The following RORA variants were observed in gnomAD, a reference collection of about 807,000 sequenced individuals.
The protein encoded by RORA is RAR related orphan receptor A.
RORA carries 7 observed loss-of-function variants against 69.5 expected under a neutral mutation model. The ratio of observed to expected loss-of-function variants is 0.10; its 90% CI spans 0.06 to 0.19. The LOEUF (loss-of-function observed/expected upper bound fraction) is 0.19. Ranked by LOEUF, RORA falls within the 10% of genes least tolerant of loss-of-function variation. The probability of loss-of-function intolerance (pLI) is 1.00; values close to 1 mark genes in which losing one functional copy is unlikely to be tolerated. For missense variants in RORA, 457 were observed against 663.0 expected (o/e 0.69, Z 3.41); for synonymous variants, 261 against 240.8 (o/e 1.08, Z -0.78).
At chr15:60,524,934 A>G (rs921895351) in intron 3 of RORA, among the ~76,000 whole-genome samples, 2 of 152,184 alleles carry the variant, frequency 1.3e-5, no homozygotes, top group African/African-American at 4.8e-5. Context: ...GTCACAGAGC[A>G]GGTAAGGGGA....
chr15:60,599,125 G>A (rs1267760536), intron 2 of RORA, among the ~76,000 whole-genome samples: 2 of 152,198 alleles, frequency 1.3e-5, no homozygotes, highest in South Asian at 2.1e-4. Context: ...TACTATGTGC[G>A]GGGTTCATCT....
At chr15:60,709,585 G>A (rs984968794) in intron 1 of RORA, among the ~76,000 whole-genome samples, 23 of 151,882 alleles carry the variant, frequency 1.5e-4, no homozygotes, top group Non-Finnish European at 7.4e-5. Flanking sequence ...AAAGAAGCAT[G>A]AACCCTGTTG....
intron 1 of RORA, among the ~76,000 whole-genome samples, chr15:61,014,530 G>A (rs1895213645): frequency 6.6e-6 from 1 of 152,128 alleles, no homozygotes; most frequent in Non-Finnish European, 1.5e-5. Flanking sequence ...GTCTTCTAAG[G>A]AGTTAGAATT....
chr15:60,511,999 G>A lies in RORA; in HGVS notation c.425-378C>T, dbSNP rs760607698. 1.9e-4 allele frequency: 38 copies of A among 204,862 alleles called. No individual in the cohort carries two copies. The highest frequency in any genetic ancestry group is 3.2e-4 in the Non-Finnish European group (32 of 100,898). The allele number at this position is 204,862 out of a possible 1,614,324, so 12.7% of individuals were successfully genotyped here. ...CTTAGGCTACCTCTTTCTCTCCCACGTTCAGACCAAGGCACAGGGAAGCAA... is the reference window on the plus strand; with the variant it reads ...CTTAGGCTACCTCTTTCTCTCCCACATTCAGACCAAGGCACAGGGAAGCAA... On this transcript the variant is annotated intron_variant, in intron 4 of 10. Coordinates refer to ENST00000335670, the MANE Select transcript of RORA (RefSeq NM_134261.3). This position sits in a 1 kb window ranked among gnomAD's most constrained non-coding sequence, Gnocchi z 6.4.
At chr15:60,683,314 AT>A (rs869278767) in intron 1 of RORA, among the ~76,000 whole-genome samples, 1 of 3,954 alleles carries the variant, frequency 2.5e-4, no homozygotes, top group Non-Finnish European at 6.8e-4. Context: ...CCCAGCCAAC[AT>A]GATTTCTTAA....
chr15:61,176,145 A>C (rs531977017), intron 1 of RORA: 1 of 152,376 alleles, frequency 6.6e-6, no homozygotes, highest in South Asian at 2.1e-4. Context: ...ATATATTCCC[A>C]CATCAAGCAG....
At chr15:60,969,878 C>T (rs1523528) in intron 1 of RORA, among the ~76,000 whole-genome samples, 1 of 152,222 alleles carries the variant, frequency 6.6e-6, no homozygotes, top group East Asian at 1.9e-4. Flanking sequence ...GCTGTATTTA[C>T]TCATGGGGCC....
chr15:60,680,634 C>T (rs985011542), intron 1 of RORA, among the ~76,000 whole-genome samples: 2 of 151,906 alleles, frequency 1.3e-5, no homozygotes, highest in Non-Finnish European at 2.9e-5. Context: ...AATTAATAAT[C>T]AATATAAATA....
At chr15:60,530,971 CAG>C (rs2066509850) in intron 3 of RORA, 2 of 152,212 alleles carry the variant, frequency 1.3e-5, no homozygotes, top group South Asian at 4.1e-4. Context: ...ATTTGAATAA[CAG>C]AGGTAATCTG....
intron 1 of RORA, among the ~76,000 whole-genome samples, chr15:60,944,424 A>C (rs1043993483): frequency 6.6e-6 from 1 of 152,134 alleles, no homozygotes; most frequent in African/African-American, 2.4e-5. Context: ...CGTATACAAT[A>C]AGCAGCACGG....
intron 1 of RORA, among the ~76,000 whole-genome samples, chr15:60,889,768 C>A (rs1035459419): frequency 6.6e-6 from 1 of 152,238 alleles, no homozygotes; most frequent in Admixed American, 6.5e-5. Context: ...TCCCCTTCAC[C>A]TTTGCCCATT....
intron 1 of RORA, among the ~76,000 whole-genome samples, chr15:60,917,202 A>G (rs985153525): frequency 2.0e-5 from 3 of 152,214 alleles, no homozygotes; most frequent in African/African-American, 7.2e-5. Flanking sequence ...ATGCATTTTC[A>G]ATCCAATTTA....
At chr15:60,640,435 A>G (rs2069922651) in intron 2 of RORA, among the ~76,000 whole-genome samples, 1 of 152,162 alleles carries the variant, frequency 6.6e-6, no homozygotes, top group South Asian at 2.1e-4. Context: ...CCATCTCCAC[A>G]TAGCAGGCAG....
intron 1 of RORA, among the ~76,000 whole-genome samples, chr15:60,692,357 T>C (rs1287445095): frequency 6.6e-6 from 1 of 152,232 alleles, no homozygotes; most frequent in African/African-American, 2.4e-5. Context: ...TGCAGCATCA[T>C]TTCTTGACTA....
At chr15:61,200,139 T>C (rs1004478791) in intron 1 of RORA, among the ~76,000 whole-genome samples, 3 of 152,208 alleles carry the variant, frequency 2.0e-5, no homozygotes, top group African/African-American at 4.8e-5. Context: ...AAATCAAAGT[T>C]GTGGTAAGGA....
chr15:61,101,771 C>G (rs1451499394), intron 1 of RORA, among the ~76,000 whole-genome samples: 1 of 152,006 alleles, frequency 6.6e-6, no homozygotes, highest in African/African-American at 2.4e-5. Context: ...AGGAGGTGGA[C>G]AGCAGAGGGC....
chr15:60,981,200 A>T (rs964842993), intron 1 of RORA, among the ~76,000 whole-genome samples: 10 of 151,644 alleles, frequency 6.6e-5, no homozygotes, highest in African/African-American at 2.4e-4. Context: ...TTTCTTCTAT[A>T]TAATAAGTTG....
intron 2 of RORA, among the ~76,000 whole-genome samples, chr15:60,657,227 C>T (rs756232072): frequency 9.2e-5 from 14 of 152,082 alleles, no homozygotes; most frequent in Admixed American, 2.6e-4. Context: ...CTGCCTTCTC[C>T]GTCTCTTTCT....
chr15:61,002,745 T>A (rs761540229), intron 1 of RORA, among the ~76,000 whole-genome samples: 2 of 152,014 alleles, frequency 1.3e-5, no homozygotes, highest in Non-Finnish European at 2.9e-5. Context: ...ATGCTCCAAT[T>A]TGAAGAGTTA....
Sources: gnomAD v4.1 joint callset for allele counts (sites outside exome capture counted in the v4.1 genomes callset) on GRCh38, gnomAD v4.1.1 for gene constraint, Gnocchi (gnomAD v3.1) non-coding constraint, MANE v1.5 for transcripts, NCBI Gene and HGNC (gene_info 2026-07-23, HGNC 2026-07-21) for gene names.